MLYCD: variants seen among roughly 807,000 people sequenced by gnomAD.
MLYCD encodes malonyl-CoA decarboxylase, mitochondrial.
In MLYCD, 27 loss-of-function variants were observed where a neutral mutation model predicts 35.8. The ratio of observed to expected loss-of-function variants is 0.75; its 90% CI spans 0.56 to 1.04. The LOEUF (loss-of-function observed/expected upper bound fraction) is 1.04, where lower values mean the gene tolerates loss of function less well. Ranked by LOEUF, MLYCD falls within the 50% of genes least tolerant of loss-of-function variation. MLYCD has a pLI of 0.00. For missense variants in MLYCD, 917 were observed against 665.1 expected, an observed-to-expected ratio of 1.38 and a Z score of -4.17; for synonymous variants, 403 against 302.4, an observed-to-expected ratio of 1.33 and a Z score of -3.45.
chr16:83,910,959 A>G (rs1255896848), intron 3 of MLYCD, among the ~76,000 whole-genome samples: 1 of 151,994 alleles, frequency 6.6e-6, no homozygotes, highest in Non-Finnish European at 1.5e-5. Context: ...AGACTCACAC[A>G]TTCCATACAC....
chr16:83,900,313 G>T (rs1477171684), intron 1 of MLYCD, among the ~76,000 whole-genome samples: 1 of 152,184 alleles, frequency 6.6e-6, no homozygotes, highest in Non-Finnish European at 1.5e-5. Context: ...GTTCATTCAT[G>T]TTAAATGCAG....
intron 4 of MLYCD, chr16:83,912,746 C>T (rs1208008828): frequency 2.9e-6 from 1 of 341,316 alleles, no homozygotes; most frequent in East Asian, 7.6e-5. Flanking sequence ...TGGTAGTCAT[C>T]CTGCCACGCC....
intron 1 of MLYCD, among the ~76,000 whole-genome samples, chr16:83,904,797 G>A (rs899480891): frequency 2.0e-5 from 3 of 152,140 alleles, no homozygotes; most frequent in South Asian, 2.1e-4. Context: ...GAGGGTCACC[G>A]TCTCCCAGGA....
chr16:83,911,121 C>G (rs759968215), intron 3 of MLYCD, among the ~76,000 whole-genome samples: 7 of 152,160 alleles, frequency 4.6e-5, no homozygotes, highest in Non-Finnish European at 1.0e-4. Flanking sequence ...GGACTACAGG[C>G]ACCTGCCACC....
intron 3 of MLYCD, among the ~76,000 whole-genome samples, chr16:83,910,217 T>A (rs947085189): frequency 2.6e-5 from 4 of 151,870 alleles, no homozygotes; most frequent in African/African-American, 9.7e-5. Flanking sequence ...CATGGTTTTT[T>A]TTTTTTGCCT....
chr16:83,899,163 G>T lies in MLYCD; in HGVS notation c.19G>T (p.Gly7Cys). MRGFGP[G>C]LTARRLLPLR... Reference sequence around the variant, plus strand: ...GGGCACCATGCGAGGCTTCGGGCCAGGCTTGACGGCCAGGCGTCTCCTCCC... The same window carrying T: ...GGGCACCATGCGAGGCTTCGGGCCATGCTTGACGGCCAGGCGTCTCCTCCC... Residue 7 changes from glycine to cysteine, a missense_variant, in exon 1 of 5, where the codon GGC becomes TGC. Physicochemically the swap from Gly to Cys is radical, Grantham distance 159. Coordinates refer to ENST00000262430, the MANE Select transcript of MLYCD (RefSeq NM_012213.3). The T allele has an allele frequency of 8.6e-7, 1 of 1,158,180 alleles. No homozygotes were observed. The highest frequency in any genetic ancestry group is 1.1e-6 in the Non-Finnish European group (1 of 943,680). The allele number at this position is 1,158,180 out of a possible 1,614,324, so 71.7% of individuals were successfully genotyped here. A position where few individuals can be genotyped will look rare whatever the true frequency, so the allele number is the denominator to read the frequency against.
intron 1 of MLYCD, among the ~76,000 whole-genome samples, chr16:83,900,429 C>T (rs185523460): frequency 2.6e-5 from 4 of 151,966 alleles, no homozygotes; most frequent in African/African-American, 4.8e-5. Context: ...AACTAACCTG[C>T]CCTTTTTTTA....
At chr16:83,913,540 C>G (rs988546290) in intron 4 of MLYCD, 4 of 152,328 alleles carry the variant, frequency 2.6e-5, no homozygotes, top group Non-Finnish European at 5.9e-5. Context: ...TTTACAAAAG[C>G]AAAACACAGC....
Position 83,899,244 on chromosome 16 carries a change from G to A in MLYCD, c.100G>A (p.Gly34Ser). ...GPRLASGQAA[G>S]ALERAMDELL... ...CCGGCTGGCGAGCGGGCAGGCGGCC[G>A]GCGCCCTGGAGCGGGCCATGGACGA... Residue 34 changes from glycine to serine, a missense_variant, in exon 1 of 5, where the codon GGC (glycine) becomes AGC (serine). Gly to Ser is a moderately conservative substitution (Grantham distance 56). Coordinates refer to ENST00000262430, the MANE Select transcript of MLYCD (RefSeq NM_012213.3). 7.9e-7 allele frequency: 1 copy of A among 1,271,138 alleles called. No homozygotes were observed. Among genetic ancestry groups the A allele is most frequent in the East Asian group, 3.3e-5 (1 of 30,596 alleles). 78.7% of individuals were successfully genotyped at this position (1,271,138 alleles called of 1,614,324 possible).
chr16:83,901,324 G>A (rs1257285773), intron 1 of MLYCD, among the ~76,000 whole-genome samples: 1 of 152,158 alleles, frequency 6.6e-6, no homozygotes, highest in Non-Finnish European at 1.5e-5. Context: ...TCAGCTCCTC[G>A]AAAACTGGGA....
chr16:83,915,064 G>T lies in MLYCD; in HGVS notation c.1057G>T (p.Glu353Ter). 3.7e-6 allele frequency: 6 copies of T among 1,614,244 alleles called. No individual in the cohort carries two copies. The highest frequency in any genetic ancestry group is 5.1e-6 in the Non-Finnish European group (6 of 1,180,036). Residue 353 changes from glutamate (E) to a stop codon, truncating the protein, a stop_gained, in exon 5 of 5, where the codon GAA (glutamate) becomes TAA (stop). Coordinates refer to ENST00000262430, the MANE Select transcript of MLYCD (RefSeq NM_012213.3). LOFTEE classifies it high-confidence loss of function. ...NSQTKEHGRNELFTDSECKEI... is the reference protein window; with the variant it reads ...NSQTKEHGRN ...GCAAACGAAGGAGCATGGGAGGAATGAACTCTTTACAGATTCGGAATGTAA... is the reference window on the plus strand; with the variant it reads ...GCAAACGAAGGAGCATGGGAGGAATTAACTCTTTACAGATTCGGAATGTAA...
chr16:83,908,366 T>C, intron 3 of MLYCD, 84 bp downstream of exon 3: 2 of 1,495,048 alleles, frequency 1.3e-6, no homozygotes, highest in Non-Finnish European at 1.8e-6. Context: ...TTTACTTGAT[T>C]TTATCCTCCT....
intron 4 of MLYCD, chr16:83,914,655 T>C (rs1597294969): frequency 9.2e-6 from 4 of 435,758 alleles, no homozygotes; most frequent in Non-Finnish European, 1.7e-5. Context: ...GGCGCGAGCC[T>C]GTGGTCCCAG....
chr16:83,908,042 T>G, intron 2 of MLYCD, 84 bp from the exon 3 acceptor site: 2 of 1,554,084 alleles, frequency 1.3e-6, no homozygotes, highest in Non-Finnish European at 1.8e-6. Flanking sequence ...CTTGTTTGAC[T>G]TAGACGAATA....
Position 83,915,122 on chromosome 16 carries a change from A to T in MLYCD, c.1115A>T (p.Asn372Ile), listed in dbSNP as rs1338856793. The part of the protein sequence containing the change: ...EISEITGGPI[N>I]ETLKLLLSSS... ...TCGGAGATCACAGGTGGCCCCATTAACGAGACCCTCAAGCTCCTCCTCAGC... is the reference window on the plus strand; with the variant it reads ...TCGGAGATCACAGGTGGCCCCATTATCGAGACCCTCAAGCTCCTCCTCAGC... Residue 372 changes from asparagine to isoleucine, a missense_variant, in exon 5 of 5, where the codon AAC becomes ATC. By Grantham distance (149) the Asn-to-Ile change is moderately radical (BLOSUM62 -3). Coordinates refer to ENST00000262430, the MANE Select transcript of MLYCD (RefSeq NM_012213.3). The T allele has an allele frequency of 6.2e-7, 1 of 1,614,254 alleles. No homozygotes were observed. The highest frequency in any genetic ancestry group is 1.3e-5 in the African/African-American group (1 of 75,070).
rs549676570 is a variant in MLYCD, at chr16:83,900,485, G to A, written c.528+813G>A. Among the ~76,000 whole-genome samples, 3 of 151,818 alleles carry A rather than the reference G, an allele frequency of 2.0e-5. No homozygotes were observed. The South Asian group carries it at 6.2e-4, about 32-fold the overall frequency. On this transcript the variant is annotated intron_variant, in intron 1 of 4. Coordinates refer to ENST00000262430, the MANE Select transcript of MLYCD (RefSeq NM_012213.3). Reference sequence around the variant, plus strand: ...ACTGGAGTACAGTGGTGTTATCACGGCTCACTGCAGCCTCGACTTCCCCAG... The same window carrying A: ...ACTGGAGTACAGTGGTGTTATCACGACTCACTGCAGCCTCGACTTCCCCAG...
At chr16:83,906,097 C>T (rs766312849) in intron 1 of MLYCD, among the ~76,000 whole-genome samples, 2 of 152,196 alleles carry the variant, frequency 1.3e-5, no homozygotes, top group Non-Finnish European at 2.9e-5. Context: ...AAAAATGCTG[C>T]CAGTTACGGC....
At chr16:83,913,331 G>C (rs1907248676) in intron 4 of MLYCD, 1 of 152,286 alleles carries the variant, frequency 6.6e-6, no homozygotes, top group Admixed American at 6.5e-5. Flanking sequence ...GTGATTAGCA[G>C]GGCGGGGTGG....
chr16:83,899,701 G>T lies in MLYCD; in HGVS notation c.528+29G>T, dbSNP rs757932618. ...AGGGGCCGCCGTCGATCCCCCGGCA[G>T]CGCGGACTGGCCGCCCTCCTCGAGT... On this transcript the variant is annotated intron_variant, in intron 1 of 4. Transcript: ENST00000262430. The T allele has an allele frequency of 4.0e-6, 6 of 1,489,290 alleles. No homozygotes were observed. In the Admixed American group the frequency reaches 1.3e-4, roughly 32 times the overall value. The allele number at this position is 1,489,290 out of a possible 1,614,324, so 92.3% of individuals were successfully genotyped here.
Sources: gnomAD v4.1 joint callset for allele counts (sites outside exome capture counted in the v4.1 genomes callset) on GRCh38, gnomAD v4.1.1 for gene constraint, MANE v1.5 for transcripts, NCBI Gene and HGNC (gene_info 2026-07-23, HGNC 2026-07-21) for gene names.